RGMB: variants seen among roughly 807,000 people sequenced by gnomAD.
RGMB encodes the protein repulsive guidance molecule BMP co-receptor b, also known as repulsive guidance molecule B.
RGMB carries 16 observed loss-of-function variants against 26.9 expected under a neutral mutation model. The ratio of observed to expected loss-of-function variants is 0.60; its 90% CI spans 0.40 to 0.90. The LOEUF (loss-of-function observed/expected upper bound fraction) is 0.90. Among genes scored for constraint, RGMB ranks in the 40% least tolerant of loss-of-function variants. The pLI, the probability that RGMB is intolerant of heterozygous loss-of-function variation, is 0.00. For missense variants in RGMB, 512 were observed against 573.3 expected (o/e 0.89, Z 1.09); for synonymous variants, 225 against 229.3 (o/e 0.98, Z 0.17).
upstream of RGMB, chr5:98,773,507 G>C (rs1360770880): frequency 6.1e-6 from 1 of 164,918 alleles, no homozygotes; most frequent in Admixed American, 6.4e-5. Context: ...TCTGGGTCCT[G>C]CGATTGGCAG....
Position 98,779,698 on chromosome 5 carries a change from G to A in RGMB, c.255G>A (p.Leu85=), listed in dbSNP as rs1746526202. The A allele has an allele frequency of 1.2e-6, 2 of 1,606,568 alleles. No individual in the cohort carries two copies. Among genetic ancestry groups the A allele is most frequent in the East Asian group, 2.2e-5 (1 of 44,758 alleles). ...TTGACTCTGAGTTTTGCAAGGCCTTGCGTGCCTATGCTGGCTGCACCCAGC... is the reference window on the plus strand; with the variant it reads ...TTGACTCTGAGTTTTGCAAGGCCTTACGTGCCTATGCTGGCTGCACCCAGC... ...DGFDSEFCKA[L]RAYAGCTQRT... Residue 85 remains leucine, a synonymous_variant, in exon 2 of 3, where the codon TTG becomes TTA. Transcript: ENST00000513185.
intron 1 of RGMB, 46 bp from the exon 2 acceptor site, chr5:98,779,534 G>C: frequency 6.8e-7 from 1 of 1,478,438 alleles, no homozygotes; most frequent in Non-Finnish European, 9.0e-7. Context: ...AGCTCAGGAA[G>C]TTATGAAGAG....
chr5:98,790,494 T>C (rs1300038043), intron 2 of RGMB, among the ~76,000 whole-genome samples: 2 of 152,260 alleles, frequency 1.3e-5, no homozygotes, highest in South Asian at 2.1e-4. Flanking sequence ...GTAGGAGTTA[T>C]TGTTAATGTC....
At chr5:98,776,326 AATGAAAAGAGT>A (rs1228632145) in intron 1 of RGMB, among the ~76,000 whole-genome samples, 3 of 152,246 alleles carry the variant, frequency 2.0e-5, no homozygotes, top group African/African-American at 7.2e-5. Context: ...GCCCTTGGGG[AATGAAAAGAGT>A]ATGAAAAGAG....
chr5:98,792,099 T>C (rs1240997528), intron 2 of RGMB, among the ~76,000 whole-genome samples: 1 of 152,198 alleles, frequency 6.6e-6, no homozygotes, highest in Admixed American at 6.5e-5. Flanking sequence ...TGCCAGGTGA[T>C]TTCCCTGTCG....
chr5:98,781,525 A>G (rs1746606662), intron 2 of RGMB, among the ~76,000 whole-genome samples: 2 of 152,210 alleles, frequency 1.3e-5, no homozygotes, highest in African/African-American at 4.8e-5. Flanking sequence ...ATGGCCCCAA[A>G]TCCATCATTA....
chr5:98,787,158 G>A (rs1000303188), intron 2 of RGMB, among the ~76,000 whole-genome samples: 1 of 152,142 alleles, frequency 6.6e-6, no homozygotes, highest in Non-Finnish European at 1.5e-5. Context: ...GTAGGATTTC[G>A]GTTAACTCAC....
At chr5:98,792,866 G>A in intron 2 of RGMB, 1 of 397,976 alleles carries the variant, frequency 2.5e-6, no homozygotes, top group Admixed American at 4.1e-5. Context: ...TTGTCTTGAT[G>A]CACAGATTTA....
chr5:98,769,054 C>T (rs1302846582), upstream of RGMB, among the ~76,000 whole-genome samples: 1 of 152,096 alleles, frequency 6.6e-6, no homozygotes, highest in African/African-American at 2.4e-5. Context: ...GCCGCCGGCC[C>T]GGAGGGCGGC....
chr5:98,771,204 G>A (rs1746150998), upstream of RGMB: 1 of 152,388 alleles, frequency 6.6e-6, no homozygotes, highest in Non-Finnish European at 1.5e-5. Context: ...AAGAGAAAGG[G>A]AGAAAGAGTA....
intron 1 of RGMB, 106 bp downstream of exon 1, chr5:98,774,312 G>T: frequency 8.4e-7 from 1 of 1,191,102 alleles, no homozygotes; most frequent in South Asian, 2.0e-5. Flanking sequence ...GCGGCGTGGC[G>T]CAACGGGAAA....
chr5:98,780,721 C>T (rs1746574398), intron 2 of RGMB: 2 of 152,286 alleles, frequency 1.3e-5, no homozygotes, highest in African/African-American at 4.8e-5. Context: ...CTAAGAGAAA[C>T]ACTGACAAAA....
In RGMB at chr5:98,793,940, G is replaced by A. The variant is rs1206543797; in HGVS notation, c.*187G>A. ...TGTTTTCACATATGTTGGATGTAGT[G>A]TTCTTTGATTGTATCAATTTTGTTT... is the stretch of plus-strand genomic sequence containing the variant. On this transcript the variant is annotated 3_prime_UTR_variant, in exon 3 of 3. Transcript: ENST00000513185. 1.9e-6 allele frequency: 1 copy of A among 521,190 alleles called. No homozygotes were observed. Among genetic ancestry groups the A allele is most frequent in the African/African-American group, 1.9e-5 (1 of 51,726 alleles). The allele number at this position is 521,190 out of a possible 1,614,324, so 32.3% of individuals were successfully genotyped here. A position where few individuals can be genotyped will look rare whatever the true frequency, so the allele number is the denominator to read the frequency against.
chr5:98,770,907 C>A, upstream of RGMB: 1 of 393,218 alleles, frequency 2.5e-6, no homozygotes. Context: ...CGGGGAGCAG[C>A]CGGGGAGCCC....
rs1747028572 is a variant in RGMB, at chr5:98,793,904, CTG to C, written c.*155_*156del. On this transcript the variant is annotated 3_prime_UTR_variant, in exon 3 of 3. Coordinates refer to ENST00000513185, the MANE Select transcript of RGMB (RefSeq NM_001366508.1). ...TGGGACACCCACCAGATTGTACATACTGTGTTTGGCTGTTTTCACATATGTTG... is the reference window on the plus strand; with the variant it reads ...TGGGACACCCACCAGATTGTACATACTGTTTGGCTGTTTTCACATATGTTG... 1.6e-6 allele frequency: 1 copy of C among 606,522 alleles called. No homozygotes were observed. The highest frequency in any genetic ancestry group is 1.8e-5 in the African/African-American group (1 of 54,168). 37.6% of individuals were successfully genotyped at this position (606,522 alleles called of 1,614,324 possible).
In RGMB at chr5:98,773,840, C is replaced by G. The variant is rs1746271383; in HGVS notation, c.-231C>G. 2 of 469,582 alleles carry G rather than the reference C, an allele frequency of 4.3e-6. No homozygotes were observed. The highest frequency in any genetic ancestry group is 7.4e-6 in the Non-Finnish European group (2 of 271,766). 29.1% of individuals were successfully genotyped at this position (469,582 alleles called of 1,614,324 possible). ...CCGCCCCTTTCCCTGCCTGCCGCCT[C>G]CGGCCGCCACGATGCCCCTGCGCCC... is the stretch of plus-strand genomic sequence containing the variant. On this transcript the variant is annotated 5_prime_UTR_variant, in exon 1 of 3. Coordinates refer to ENST00000513185, the MANE Select transcript of RGMB (RefSeq NM_001366508.1).
chr5:98,779,831 A>G lies in RGMB; in HGVS notation c.388A>G (p.Thr130Ala), dbSNP rs778356530. 26 of 1,613,932 alleles carry G rather than the reference A, an allele frequency of 1.6e-5. No homozygotes were observed. The African/African-American group carries it at 3.1e-4, about 19-fold the overall frequency. Residue 130 changes from threonine to alanine, a missense_variant, in exon 2 of 3, where the codon ACC becomes GCC. Coordinates refer to ENST00000513185, the MANE Select transcript of RGMB (RefSeq NM_001366508.1). ...TTCCAAGGATGGACCCACATCCTCT[A>G]CCAACCCCGAAGTGACCCATGATCC... ...NCSKDGPTSSTNPEVTHDPCN... is the reference protein window; with the variant it reads ...NCSKDGPTSSANPEVTHDPCN...
In RGMB at chr5:98,773,974, C is replaced by T. The variant is rs954660891; in HGVS notation, c.-97C>T. 4 of 623,692 alleles carry T rather than the reference C, an allele frequency of 6.4e-6. No homozygotes were observed. The highest frequency in any genetic ancestry group is 4.0e-4 in the Middle Eastern group (1 of 2,510). The allele number at this position is 623,692 out of a possible 1,614,324, so 38.6% of individuals were successfully genotyped here. A position where few individuals can be genotyped will look rare whatever the true frequency, so the allele number is the denominator to read the frequency against. On this transcript the variant is annotated 5_prime_UTR_variant, in exon 1 of 3. Transcript: ENST00000513185. ...GAAGAAGGAAGAAGAGGAAGCGAAG[C>T]GCGCCCCCCGGCCCATGCCGCAGCC... is the stretch of plus-strand genomic sequence containing the variant.
chr5:98,773,416 C>G (rs1218174432), upstream of RGMB: 1 of 153,496 alleles, frequency 6.5e-6, no homozygotes, highest in South Asian at 2.1e-4. Flanking sequence ...GAGCGCGAGG[C>G]AGCATGCGGC....
Sources: allele counts gnomAD v4.1 joint callset (sites outside exome capture counted in the v4.1 genomes callset), GRCh38; gene constraint gnomAD v4.1.1; transcripts MANE v1.5; gene names NCBI Gene and HGNC (gene_info 2026-07-23, HGNC 2026-07-21).